Variants in TANC2 observed in about 807,000 individuals in gnomAD.
TANC2 encodes protein TANC2.
Under a neutral mutation model 210.5 loss-of-function variants are expected in TANC2, and 26 were observed. The ratio of observed to expected loss-of-function variants is 0.12; its 90% CI spans 0.09 to 0.17. The LOEUF (loss-of-function observed/expected upper bound fraction) is 0.17. Among genes scored for constraint, TANC2 ranks in the 10% least tolerant of loss-of-function variants. The probability of loss-of-function intolerance (pLI) is 1.00; values close to 1 mark genes in which losing one functional copy is unlikely to be tolerated. For missense variants in TANC2, 2,129 were observed against 2,608.9 expected, an observed-to-expected ratio of 0.82 and a Z score of 4.01; for synonymous variants, 931 against 967.1, an observed-to-expected ratio of 0.96 and a Z score of 0.69.
intron 18 of TANC2, among the ~76,000 whole-genome samples, chr17:63,397,695 A>G (rs2048213370): frequency 6.6e-6 from 1 of 152,226 alleles, no homozygotes; most frequent in Non-Finnish European, 1.5e-5. Flanking sequence ...TTGTGATGTA[A>G]TATTCCCACC....
rs534146240 is a variant in TANC2, at chr17:63,288,627, T to C, written c.1159+20754T>C. 5.3e-5 allele frequency among the ~76,000 whole-genome samples: 8 copies of C among 152,362 alleles called. No homozygotes were observed. The South Asian group carries it at 1.7e-3, about 32-fold the overall frequency. On this transcript the variant is annotated intron_variant, in intron 9 of 27. Coordinates refer to ENST00000689528, the Ensembl canonical transcript of TANC2. Reference sequence around the variant, plus strand: ...TTTCTGTTAAAAGGATGTTGAAATCTATATATGAGATCTATAAGGATCTTC... The same window carrying C: ...TTTCTGTTAAAAGGATGTTGAAATCCATATATGAGATCTATAAGGATCTTC...
intron 2 of TANC2, among the ~76,000 whole-genome samples, chr17:63,053,117 G>C (rs1265360634): frequency 6.6e-6 from 1 of 152,134 alleles, no homozygotes; most frequent in African/African-American, 2.4e-5. Flanking sequence ...TCCTTGTTAT[G>C]TTCCATCTCT....
intron 13 of TANC2, among the ~76,000 whole-genome samples, chr17:63,353,531 T>C (rs2046685195): frequency 6.6e-6 from 1 of 151,878 alleles, no homozygotes; most frequent in Non-Finnish European, 1.5e-5. Context: ...TCAGGGGAGA[T>C]GACTAAGCTA....
intron 11 of TANC2, among the ~76,000 whole-genome samples, chr17:63,327,621 CAT>C (rs1406157073): frequency 1.4e-4 from 22 of 152,230 alleles, no homozygotes; most frequent in African/African-American, 4.1e-4. Context: ...AATATAAAGA[CAT>C]GTGTCCATGT....
chr17:63,088,805 T>C (rs946417591), intron 3 of TANC2: 6 of 152,212 alleles, frequency 3.9e-5, no homozygotes, highest in African/African-American at 9.7e-5. Context: ...TCTAAAATTG[T>C]TCAAAGGGTT....
intron 1 of TANC2, among the ~76,000 whole-genome samples, chr17:63,007,686 A>G (rs1246015160): frequency 6.6e-6 from 1 of 152,156 alleles, no homozygotes; most frequent in Non-Finnish European, 1.5e-5. Flanking sequence ...GGTAATACAG[A>G]TATCTTAGAA....
intron 1 of TANC2, among the ~76,000 whole-genome samples, chr17:62,998,019 G>C (rs1023659254): frequency 4.6e-5 from 7 of 152,278 alleles, no homozygotes; most frequent in Admixed American, 3.9e-4. Flanking sequence ...CAGGAATATA[G>C]GGAATACTGT....
chr17:63,218,631 C>T (rs111639120), intron 7 of TANC2, among the ~76,000 whole-genome samples: 289 of 152,262 alleles, frequency 1.9e-3, no homozygotes, highest in African/African-American at 6.7e-3. Context: ...CACGGTGGCT[C>T]ACCCCTGTAA....
intron 2 of TANC2, among the ~76,000 whole-genome samples, chr17:63,042,678 T>G (rs1156795367): frequency 6.6e-6 from 1 of 152,152 alleles, no homozygotes; most frequent in Non-Finnish European, 1.5e-5. Flanking sequence ...AAACTCTTGT[T>G]AGTATTTATT....
chr17:63,194,456 T>G (rs1342097158), intron 6 of TANC2, among the ~76,000 whole-genome samples: 1 of 152,176 alleles, frequency 6.6e-6, no homozygotes, highest in Non-Finnish European at 1.5e-5. Context: ...ATTTACCGAA[T>G]TGGTTATATG....
At position 62,966,763 on chromosome 17, in the gene TANC2, G is replaced by A. The variant is rs903974453; in HGVS notation, c.-24+14G>A. The A allele has an allele frequency of 1.4e-4, 21 of 152,498 alleles. No homozygotes were observed. Among genetic ancestry groups the A allele is most frequent in the African/African-American group, 5.1e-4 (21 of 41,548 alleles). 9.4% of individuals were successfully genotyped at this position (152,498 alleles called of 1,614,324 possible). A position where few individuals can be genotyped will look rare whatever the true frequency, so the allele number is the denominator to read the frequency against. On this transcript the variant is annotated intron_variant, in intron 1 of 27. Coordinates refer to ENST00000689528, the Ensembl canonical transcript of TANC2. This position sits in a 1 kb window ranked among gnomAD's most constrained non-coding sequence, Gnocchi z 5.1. Reference sequence around the variant, plus strand: ...TCAGAGCGGCAGGTAAGGGGCCCGGGGAGCAGGGCGAGGAAAGGTCGCTTC... The same window carrying A: ...TCAGAGCGGCAGGTAAGGGGCCCGGAGAGCAGGGCGAGGAAAGGTCGCTTC...
In TANC2 at chr17:63,399,445, A is replaced by G. The variant is rs540511939; in HGVS notation, c.3331+531A>G. ...GGATGCACAATGAATGCCCAGCCTC[A>G]TGCAGTTCCTGTTGGTCTGTAGCAA... On this transcript the variant is annotated intron_variant, in intron 19 of 27. Coordinates refer to ENST00000689528, the Ensembl canonical transcript of TANC2. 7.9e-4 allele frequency among the ~76,000 whole-genome samples: 120 copies of G among 152,366 alleles called. 1 individual carries two copies. The highest frequency in any genetic ancestry group is 2.8e-3 in the African/African-American group (118 of 41,592).
chr17:63,250,762 G>A (rs906370636), intron 8 of TANC2, among the ~76,000 whole-genome samples: 6 of 152,092 alleles, frequency 3.9e-5, no homozygotes, highest in Admixed American at 3.3e-4. Flanking sequence ...CCATTCTCAT[G>A]TAGTTTACAT....
At chr17:63,407,518 T>A (rs2048551475) in intron 21 of TANC2, among the ~76,000 whole-genome samples, 1 of 152,256 alleles carries the variant, frequency 6.6e-6, no homozygotes, top group Non-Finnish European at 1.5e-5. Flanking sequence ...TCCAGGTATT[T>A]GTTCTCCCTT....
chr17:63,351,181 T>A (rs2046596227), intron 12 of TANC2, 69 bp from the exon 13 acceptor site: 1 of 1,353,580 alleles, frequency 7.4e-7, no homozygotes, highest in South Asian at 1.5e-5. Context: ...AAATATGTGA[T>A]CAAAGATCCA....
intron 2 of TANC2, among the ~76,000 whole-genome samples, chr17:63,042,449 A>G (rs187502322): frequency 6.6e-6 from 1 of 152,264 alleles, no homozygotes; most frequent in African/African-American, 2.4e-5. Context: ...AAGTGTTACA[A>G]GCTGAAAACA....
chr17:63,369,897 C>T (rs957982007), intron 14 of TANC2, among the ~76,000 whole-genome samples: 5 of 152,002 alleles, frequency 3.3e-5, no homozygotes, highest in African/African-American at 1.2e-4. Context: ...GCCACCTCGC[C>T]TGGCCTAATT....
intron 6 of TANC2, among the ~76,000 whole-genome samples, chr17:63,196,799 A>G (rs2041360291): frequency 6.6e-6 from 1 of 152,154 alleles, no homozygotes; most frequent in African/African-American, 2.4e-5. Flanking sequence ...CAATTATTGT[A>G]CTAATTGTTT....
rs1398601929 is a variant in TANC2, at chr17:63,098,462, ACACACACACACACACACATACACTCT to A, written c.140-711_140-686del. Among the ~76,000 whole-genome samples the A allele has an allele frequency of 4.2e-3, 180 of 42,928 alleles. 9 individuals carry two copies. The highest frequency in any genetic ancestry group is 0.014 in the African/African-American group (130 of 9,288). The allele number at this position is 42,928 out of a possible 152,430, so 28.2% of individuals were successfully genotyped here. A position where few individuals can be genotyped will look rare whatever the true frequency, so the allele number is the denominator to read the frequency against. On this transcript the variant is annotated intron_variant, in intron 3 of 27. Coordinates refer to ENST00000689528, the Ensembl canonical transcript of TANC2. ...CACACACACACACACACACACACAC[ACACACACACACACACACATACACTCT>A]CTCTCTCTCTCTCTCTCTCTCTGTG...
Sources: allele counts gnomAD v4.1 joint callset (sites outside exome capture counted in the v4.1 genomes callset), GRCh38; gene constraint gnomAD v4.1.1; non-coding constraint Gnocchi (gnomAD v3.1); transcripts MANE v1.5; gene names NCBI Gene and HGNC (gene_info 2026-07-23, HGNC 2026-07-21).